The following USF1 variants were observed in gnomAD, a reference collection of about 807,000 sequenced individuals.
USF1 encodes upstream transcription factor 1.
A neutral mutation model predicts 46.3 loss-of-function variants in USF1; 22 were observed. The ratio of observed to expected loss-of-function variants is 0.47; its 90% CI spans 0.34 to 0.68. The LOEUF (loss-of-function observed/expected upper bound fraction) is 0.68, where lower values mean the gene tolerates loss of function less well. Among genes scored for constraint, USF1 ranks in the 30% least tolerant of loss-of-function variants. The pLI, the probability that USF1 is intolerant of heterozygous loss-of-function variation, is 0.01. For missense variants in USF1, 287 were observed against 399.3 expected, an observed-to-expected ratio of 0.72 and a Z score of 2.40; for synonymous variants, 150 against 147.0, an observed-to-expected ratio of 1.02 and a Z score of -0.15.
chr1:161,040,251 A>C lies in USF1; in HGVS notation c.794T>G (p.Leu265Arg). The C allele has an allele frequency of 6.2e-7, 1 of 1,614,196 alleles. No individual in the cohort carries two copies. The highest frequency in any genetic ancestry group is 8.5e-7 in the Non-Finnish European group (1 of 1,180,032). Residue 265 changes from leucine to arginine, a missense_variant, in exon 10 of 11, where the codon CTG becomes CGG. Coordinates refer to ENST00000368021, the MANE Select transcript of USF1 (RefSeq NM_007122.5). This position sits in a 1 kb window ranked among gnomAD's most constrained non-coding sequence, Gnocchi z 4.0. The stretch of plus-strand genomic sequence containing the variant: ...CAGCTGCAGTTGGTCAAGTCCCTGC[A>C]GTTCTTCAGACAAGCGGTGGTTACT... ...RQSNHRLSEE[L>R]QGLDQLQLDN...
intron 1 of USF1, 36 bp from the exon 2 acceptor site, chr1:161,043,396 A>C: frequency 6.6e-7 from 1 of 1,509,124 alleles, no homozygotes; most frequent in Non-Finnish European, 9.1e-7. Flanking sequence ...TGAGTTTAGG[A>C]AACAGAACAG....
chr1:161,043,050 A>G (rs1273686316), intron 2 of USF1, among the ~76,000 whole-genome samples, 168 bp from the exon 3 acceptor site: 3 of 152,232 alleles, frequency 2.0e-5, no homozygotes, highest in Non-Finnish European at 4.4e-5. Context: ...GCACTAAGCT[A>G]AGTACATTAC....
chr1:161,041,628 A>G lies in USF1; in HGVS notation c.472+23T>C. 3.8e-6 allele frequency: 6 copies of G among 1,594,036 alleles called. No individual in the cohort carries two copies. The South Asian group carries it at 6.7e-5, about 18-fold the overall frequency. ...ACAGCCTATTCTAGCCCTTTCAGCC[A>G]GCATCCTCATGCAATATCTCACCAG... is the stretch of plus-strand genomic sequence containing the variant. On this transcript the variant is annotated intron_variant, in intron 6 of 10. Transcript: ENST00000368021.
chr1:161,039,975 C>T lies in USF1; in HGVS notation c.878G>A (p.Arg293Gln), dbSNP rs772897096. 3.7e-6 allele frequency: 6 copies of T among 1,614,012 alleles called. No homozygotes were observed. Among genetic ancestry groups the T allele is most frequent in the African/African-American group, 1.3e-5 (1 of 74,900 alleles). The change falls in exon 11 of 11, where the codon CGA (arginine) becomes CAA (glutamine). Residue 293 changes from arginine to glutamine, a missense_variant. Physicochemically the swap from Arg to Gln is conservative, Grantham distance 43 (BLOSUM62 1). Transcript: ENST00000368021. The stretch of plus-strand genomic sequence containing the variant: ...TAATCCGTGGTGCCGCAACTGAGCT[C>T]GAAGCAGCAGATTCTTGTTTTTAAG... ...EDLKNKNLLL[R>Q]AQLRHHGLEV...
At chr1:161,041,546 G>A in intron 6 of USF1, 105 bp downstream of exon 6, 2 of 1,486,460 alleles carry the variant, frequency 1.3e-6, no homozygotes, top group Non-Finnish European at 1.8e-6. Context: ...GCCTGTCCAG[G>A]TCTTAATGAT....
At chr1:161,041,141 A>G (rs772411214) in intron 7 of USF1, among the ~76,000 whole-genome samples, 183 bp downstream of exon 7, 45 of 151,294 alleles carry the variant, frequency 3.0e-4, no homozygotes, top group Non-Finnish European at 4.9e-4. Flanking sequence ...ACATGTCTGT[A>G]GTTCCAGCTA....
chr1:161,039,643 A>T lies in USF1; in HGVS notation c.*277T>A. 2.2e-6 allele frequency: 1 copy of T among 460,194 alleles called. No individual in the cohort carries two copies. Among genetic ancestry groups the T allele is most frequent in the South Asian group, 2.3e-5 (1 of 44,264 alleles). The allele number at this position is 460,194 out of a possible 1,614,324, so 28.5% of individuals were successfully genotyped here. A position where few individuals can be genotyped will look rare whatever the true frequency, so the allele number is the denominator to read the frequency against. On this transcript the variant is annotated 3_prime_UTR_variant, in exon 11 of 11. Transcript: ENST00000368021. ...AGCCCCAGAGTTTAGTGTGTCCAGTATCCAGCATGGAGACAGCACATGCAT... is the reference window on the plus strand; with the variant it reads ...AGCCCCAGAGTTTAGTGTGTCCAGTTTCCAGCATGGAGACAGCACATGCAT...
At position 161,040,756 on chromosome 1, in the gene USF1, A is replaced by G; in HGVS notation, c.619+58T>C. Reference sequence around the variant, plus strand: ...AAATTACCTAATCCCTCCTCCCCTCAGACATCACTGCTGAGATCACACCAG... The same window carrying G: ...AAATTACCTAATCCCTCCTCCCCTCGGACATCACTGCTGAGATCACACCAG... On this transcript the variant is annotated intron_variant, in intron 8 of 10. Coordinates refer to ENST00000368021, the MANE Select transcript of USF1 (RefSeq NM_007122.5). The surrounding 1 kb of genome is among the most constrained non-coding windows in gnomAD (Gnocchi z 4.0). 1 of 1,613,686 alleles carries G rather than the reference A, an allele frequency of 6.2e-7. No individual in the cohort carries two copies. Among genetic ancestry groups the G allele is most frequent in the Non-Finnish European group, 8.5e-7 (1 of 1,179,834 alleles).
chr1:161,041,683 G>A lies in USF1; in HGVS notation c.440C>T (p.Ala147Val). 6.2e-7 allele frequency: 1 copy of A among 1,612,796 alleles called. No homozygotes were observed. The highest frequency in any genetic ancestry group is 8.5e-7 in the Non-Finnish European group (1 of 1,179,032). The change falls in exon 6 of 11, where the codon GCA becomes GTA. Residue 147 changes from alanine to valine, a missense_variant. Physicochemically the swap from Ala to Val is moderately conservative, Grantham distance 64. Coordinates refer to ENST00000368021, the MANE Select transcript of USF1 (RefSeq NM_007122.5). ...AGGAGGGGTCGCCTGCCCCAGCAGT[G>A]CCTCTGAGCCCTGGGTAGTAACAAC... ...AAVVTTQGSEALLGQATPPGT... is the reference protein window; with the variant it reads ...AAVVTTQGSEVLLGQATPPGT...
Position 161,040,497 on chromosome 1 carries a change from CCTCT to C in USF1, c.714+75_714+78del, listed in dbSNP as rs1650503313. 6.4e-7 allele frequency: 1 copy of C among 1,568,798 alleles called. No individual in the cohort carries two copies. Among genetic ancestry groups the C allele is most frequent in the Non-Finnish European group, 8.7e-7 (1 of 1,152,708 alleles). ...AGATAAGACTACTGTCATGTGTGCCCCTCTCTCTACCATTTCTGGAAACAATACC... is the reference window on the plus strand; with the variant it reads ...AGATAAGACTACTGTCATGTGTGCCCCTCTACCATTTCTGGAAACAATACC... On this transcript the variant is annotated intron_variant, in intron 9 of 10. Transcript: ENST00000368021. The surrounding 1 kb of genome is among the most constrained non-coding windows in gnomAD (Gnocchi z 4.0).
chr1:161,041,725 G>C lies in USF1; in HGVS notation c.398C>G (p.Ser133Trp). The C allele has an allele frequency of 1.9e-6, 3 of 1,614,044 alleles. No individual in the cohort carries two copies. The highest frequency in any genetic ancestry group is 2.2e-5 in the East Asian group (1 of 44,888). ...AGTAACAACAGCAGCTGTACTCCCC[G>C]ATGTGGTACCCCCTGCCCCATCTCC... Reference protein sequence around the residue: ...AVGDGAGGTTSGSTAAVVTTQ... With the variant: ...AVGDGAGGTTWGSTAAVVTTQ... The change falls in exon 6 of 11, where the codon TCG (serine) becomes TGG (tryptophan). Residue 133 changes from serine to tryptophan, a missense_variant. Coordinates refer to ENST00000368021, the MANE Select transcript of USF1 (RefSeq NM_007122.5).
chr1:161,040,808 A>T lies in USF1; in HGVS notation c.619+6T>A. 6.2e-7 allele frequency: 1 copy of T among 1,614,010 alleles called. No homozygotes were observed. The highest frequency in any genetic ancestry group is 1.3e-5 in the African/African-American group (1 of 74,952). Reference sequence around the variant, plus strand: ...CAGCTTCTAGCTCCACCCAGATCATACCTACCTTCATTATGCTGAGCCCTG... The same window carrying T: ...CAGCTTCTAGCTCCACCCAGATCATTCCTACCTTCATTATGCTGAGCCCTG... On this transcript the variant is annotated splice_donor_region_variant and intron_variant, in intron 8 of 10. Coordinates refer to ENST00000368021, the MANE Select transcript of USF1 (RefSeq NM_007122.5). This position sits in a 1 kb window ranked among gnomAD's most constrained non-coding sequence, Gnocchi z 4.0.
intron 1 of USF1, among the ~76,000 whole-genome samples, chr1:161,044,109 A>ATTT (rs1221091499): frequency 6.6e-6 from 1 of 151,624 alleles, no homozygotes; most frequent in African/African-American, 2.4e-5. Flanking sequence ...CGCCCAGCTA[A>ATTT]TTTTTGTATT....
chr1:161,040,153 C>G lies in USF1; in HGVS notation c.843+49G>C. The stretch of plus-strand genomic sequence containing the variant: ...CAAAGTAGAGGGTGTCAAACTGGGT[C>G]AGTGGCTAGCAGAACTGAGAAGGGC... On this transcript the variant is annotated intron_variant, in intron 10 of 10. Coordinates refer to ENST00000368021, the MANE Select transcript of USF1 (RefSeq NM_007122.5). This position sits in a 1 kb window ranked among gnomAD's most constrained non-coding sequence, Gnocchi z 4.0. 6.2e-7 allele frequency: 1 copy of G among 1,611,310 alleles called. No individual in the cohort carries two copies. Among genetic ancestry groups the G allele is most frequent in the Middle Eastern group, 1.7e-4 (1 of 5,940 alleles).
intron 1 of USF1, among the ~76,000 whole-genome samples, chr1:161,044,228 C>G (rs1391567100): frequency 6.6e-6 from 1 of 152,172 alleles, no homozygotes; most frequent in Admixed American, 6.5e-5. Context: ...CAGGCATGAG[C>G]CACCGCACCC....
chr1:161,044,468 C>CACAA (rs1650713861), intron 1 of USF1, among the ~76,000 whole-genome samples: 1 of 152,210 alleles, frequency 6.6e-6, no homozygotes, highest in Non-Finnish European at 1.5e-5. Context: ...AAGAATATCC[C>CACAA]TGACCACAAA....
Position 161,041,777 on chromosome 1 carries a change from A to G in USF1, c.346T>C (p.Tyr116His). The G allele has an allele frequency of 6.2e-7, 1 of 1,614,100 alleles. No individual in the cohort carries two copies. The highest frequency in any genetic ancestry group is 8.5e-7 in the Non-Finnish European group (1 of 1,179,998). Residue 116 changes from tyrosine to histidine, a missense_variant, in exon 6 of 11, where the codon TAT becomes CAT. By Grantham distance (83) the Tyr-to-His change is moderately conservative. Coordinates refer to ENST00000368021, the MANE Select transcript of USF1 (RefSeq NM_007122.5). ...ACTGCCGTGCTGGGGAAGTAAGTAT[A>G]GTGCGTCTCAGCAGCTGTCCCCTCC... Reference protein sequence around the residue: ...DTEGTAAETHYTYFPSTAVGD... With the variant: ...DTEGTAAETHHTYFPSTAVGD...
chr1:161,042,643 G>A lies in USF1; in HGVS notation c.86C>T (p.Thr29Ile), dbSNP rs1650617322. 6.2e-7 allele frequency: 1 copy of A among 1,614,226 alleles called. No individual in the cohort carries two copies. Among genetic ancestry groups the A allele is most frequent in the Non-Finnish European group, 8.5e-7 (1 of 1,180,036 alleles). The change falls in exon 4 of 11, where the codon ACC becomes ATC. Residue 29 changes from threonine (T) to isoleucine (I), a missense_variant. Coordinates refer to ENST00000368021, the MANE Select transcript of USF1 (RefSeq NM_007122.5). ...CTGGATGCTGGCAATAGCCACACTGGTTGGGTCTTCCCCAGTAGCCACTGC... is the reference window on the plus strand; with the variant it reads ...CTGGATGCTGGCAATAGCCACACTGATTGGGTCTTCCCCAGTAGCCACTGC... The part of the protein sequence containing the change: ...EGAVATGEDP[T>I]SVAIASIQSA...
Position 161,039,876 on chromosome 1 carries a change from G to A in USF1, c.*44C>T. 1 of 1,600,722 alleles carries A rather than the reference G, an allele frequency of 6.2e-7. No individual in the cohort carries two copies. Among genetic ancestry groups the A allele is most frequent in the African/African-American group, 1.3e-5 (1 of 74,724 alleles). Reference sequence around the variant, plus strand: ...GCACGGGATTAGGCTGTTGCTCCTGGGCTATCTGCAGTTCTTGGGCCCAAA... The same window carrying A: ...GCACGGGATTAGGCTGTTGCTCCTGAGCTATCTGCAGTTCTTGGGCCCAAA... On this transcript the variant is annotated 3_prime_UTR_variant, in exon 11 of 11. Coordinates refer to ENST00000368021, the MANE Select transcript of USF1 (RefSeq NM_007122.5).
Sources: gnomAD v4.1 joint callset for allele counts (sites outside exome capture counted in the v4.1 genomes callset) on GRCh38, gnomAD v4.1.1 for gene constraint, Gnocchi (gnomAD v3.1) non-coding constraint, MANE v1.5 for transcripts, NCBI Gene and HGNC (gene_info 2026-07-23, HGNC 2026-07-21) for gene names.